The following RAP1GDS1 variants were observed in gnomAD, a reference collection of about 807,000 sequenced individuals.
RAP1GDS1 encodes the protein RAP1, GTP-GDP dissociation stimulator 1.
RAP1GDS1 carries 35 observed loss-of-function variants against 71.1 expected under a neutral mutation model. The observed-to-expected ratio is 0.49, with a 90% CI of 0.38 to 0.65. The LOEUF is 0.65. Ranked by LOEUF, RAP1GDS1 falls within the 30% of genes least tolerant of loss-of-function variation. RAP1GDS1 has a pLI of 0.00. For synonymous variants in RAP1GDS1, 229 were observed against 243.1 expected (o/e 0.94, Z 0.54); for missense variants, 663 against 706.1 (o/e 0.94, Z 0.69).
In RAP1GDS1 at chr4:98,442,979, A is replaced by C. The variant is rs556917811; in HGVS notation, c.*862A>C. 1.4e-5 allele frequency: 3 copies of C among 219,542 alleles called. No homozygotes were observed. The highest frequency in any genetic ancestry group is 7.1e-5 in the African/African-American group (3 of 42,026). The allele number at this position is 219,542 out of a possible 1,614,324, so 13.6% of individuals were successfully genotyped here. ...TTCATTTGGCGCTTGTTTGTTTTCAACTGAGGAAATTGAGTATAGTTCATT... is the reference window on the plus strand; with the variant it reads ...TTCATTTGGCGCTTGTTTGTTTTCACCTGAGGAAATTGAGTATAGTTCATT... On this transcript the variant is annotated 3_prime_UTR_variant, in exon 15 of 15. Coordinates refer to ENST00000408927, the MANE Select transcript of RAP1GDS1 (RefSeq NM_001100427.2).
intron 1 of RAP1GDS1, among the ~76,000 whole-genome samples, chr4:98,283,161 CTG>C (rs1376699679): frequency 6.6e-6 from 1 of 152,138 alleles, no homozygotes; most frequent in East Asian, 1.9e-4. Flanking sequence ...AAAGATGAAA[CTG>C]ATCATTACAA....
intron 4 of RAP1GDS1, among the ~76,000 whole-genome samples, chr4:98,364,337 C>G (rs945890540): frequency 9.2e-5 from 14 of 152,188 alleles, no homozygotes; most frequent in African/African-American, 3.4e-4. Flanking sequence ...TCAGCCACCC[C>G]TGCCAAATTT....
intron 4 of RAP1GDS1, among the ~76,000 whole-genome samples, chr4:98,355,811 T>C (rs1737883059): frequency 6.6e-6 from 1 of 152,138 alleles, no homozygotes; most frequent in Non-Finnish European, 1.5e-5. Context: ...TATATAATCC[T>C]GACATGAGGT....
chr4:98,414,563 C>G lies in RAP1GDS1; in HGVS notation c.764-2182C>G, dbSNP rs1212763351. Reference sequence around the variant, plus strand: ...TTATTTCTGAGGGCTCTGTTCTGTTCCAATGATCTATATCTCTGTTTTGGT... The same window carrying G: ...TTATTTCTGAGGGCTCTGTTCTGTTGCAATGATCTATATCTCTGTTTTGGT... On this transcript the variant is annotated intron_variant, in intron 7 of 14. Transcript: ENST00000408927. Among the ~76,000 whole-genome samples the G allele has an allele frequency of 7.3e-5, 11 of 150,882 alleles. No homozygotes were observed. The East Asian group carries it at 1.6e-3, about 21-fold the overall frequency.
At chr4:98,373,700 A>G (rs1204629915) in intron 4 of RAP1GDS1, among the ~76,000 whole-genome samples, 1 of 152,198 alleles carries the variant, frequency 6.6e-6, no homozygotes, top group South Asian at 2.1e-4. Flanking sequence ...TGTATATATC[A>G]TGTCTTTTTA....
At chr4:98,397,156 A>G (rs959753966) in intron 6 of RAP1GDS1, among the ~76,000 whole-genome samples, 1 of 152,170 alleles carries the variant, frequency 6.6e-6, no homozygotes, top group South Asian at 2.1e-4. Flanking sequence ...CTTTAACCCA[A>G]CACTCTTTAA....
chr4:98,268,525 G>T (rs929777729), intron 1 of RAP1GDS1, among the ~76,000 whole-genome samples: 3 of 152,110 alleles, frequency 2.0e-5, no homozygotes, highest in Admixed American at 2.0e-4. Flanking sequence ...AAAATGATCT[G>T]TTTAAAGATA....
At chr4:98,288,180 G>A (rs141171059) in intron 1 of RAP1GDS1, among the ~76,000 whole-genome samples, 1,765 of 151,802 alleles carry the variant, frequency 0.012, 18 homozygotes, top group Non-Finnish European at 0.019. Flanking sequence ...ATCCCTCCCC[G>A]CTACCCCCAT....
At chr4:98,396,562 T>G (rs531664868) in intron 6 of RAP1GDS1, 1 of 152,298 alleles carries the variant, frequency 6.6e-6, no homozygotes, top group African/African-American at 2.4e-5. Flanking sequence ...TCAGCCCAGG[T>G]TCATACTATA....
intron 6 of RAP1GDS1, among the ~76,000 whole-genome samples, chr4:98,399,481 A>G (rs1212867864): frequency 6.6e-6 from 1 of 152,066 alleles, no homozygotes; most frequent in African/African-American, 2.4e-5. Flanking sequence ...TTTTGTAGAG[A>G]CAGGGTTTTA....
chr4:98,433,996 A>C lies in RAP1GDS1; in HGVS notation c.1501A>C (p.Ser501Arg). 1 of 1,613,568 alleles carries C rather than the reference A, an allele frequency of 6.2e-7. No individual in the cohort carries two copies. The highest frequency in any genetic ancestry group is 8.5e-7 in the Non-Finnish European group (1 of 1,179,452). ...CAAGCATCTAGTTACCATGGCAACT[A>C]GTGAACATGTAATAATGCAGAATGA... ...GIKHLVTMAT[S>R]EHVIMQNEAL... The change falls in exon 13 of 15, where the codon AGT becomes CGT. Residue 501 changes from serine (S) to arginine (R), a missense_variant. Coordinates refer to ENST00000408927, the MANE Select transcript of RAP1GDS1 (RefSeq NM_001100427.2).
intron 4 of RAP1GDS1, among the ~76,000 whole-genome samples, chr4:98,374,911 T>TA (rs1417953818): frequency 6.6e-6 from 1 of 152,124 alleles, no homozygotes; most frequent in African/African-American, 2.4e-5. Context: ...CTATTACAGT[T>TA]AGCCTGTAGA....
chr4:98,409,000 A>T (rs1746588622), intron 7 of RAP1GDS1, among the ~76,000 whole-genome samples: 1 of 152,162 alleles, frequency 6.6e-6, no homozygotes, highest in African/African-American at 2.4e-5. Flanking sequence ...CTTCCATTTA[A>T]CATTGTATTG....
intron 5 of RAP1GDS1, among the ~76,000 whole-genome samples, chr4:98,382,138 C>G (rs1055269849): frequency 6.6e-6 from 1 of 151,540 alleles, no homozygotes; most frequent in Non-Finnish European, 1.5e-5. Flanking sequence ...AAGTTTTAAA[C>G]TAGCTCAAGA....
chr4:98,261,886 G>T (rs1044898425), intron 1 of RAP1GDS1, among the ~76,000 whole-genome samples: 5 of 152,166 alleles, frequency 3.3e-5, no homozygotes, highest in African/African-American at 1.2e-4. Flanking sequence ...TGCCTCGCGG[G>T]CTCGCATCTG....
chr4:98,336,041 A>C (rs1219978754), intron 2 of RAP1GDS1, among the ~76,000 whole-genome samples: 1 of 152,014 alleles, frequency 6.6e-6, no homozygotes, highest in Non-Finnish European at 1.5e-5. Context: ...CTTTATCTTT[A>C]TTTACTTCAT....
intron 2 of RAP1GDS1, among the ~76,000 whole-genome samples, chr4:98,311,542 G>A (rs1730223303): frequency 6.6e-6 from 1 of 152,158 alleles, no homozygotes; most frequent in South Asian, 2.1e-4. Flanking sequence ...TGACATTGGA[G>A]AGAGATCTTT....
chr4:98,378,940 CTGTTA>C, intron 4 of RAP1GDS1, 72 bp from the exon 5 acceptor site: 1 of 1,280,612 alleles, frequency 7.8e-7, no homozygotes, highest in Non-Finnish European at 1.1e-6. Context: ...AAGAATAACA[CTGTTA>C]TGTTTTGTAT....
chr4:98,397,918 C>T (rs1164006805), intron 6 of RAP1GDS1, among the ~76,000 whole-genome samples: 3 of 152,076 alleles, frequency 2.0e-5, no homozygotes, highest in African/African-American at 4.8e-5. Context: ...TCTCCCAGAA[C>T]GTAGACTTAA....
Sources: gnomAD v4.1 joint callset for allele counts (sites outside exome capture counted in the v4.1 genomes callset) on GRCh38, gnomAD v4.1.1 for gene constraint, MANE v1.5 for transcripts, NCBI Gene and HGNC (gene_info 2026-07-23, HGNC 2026-07-21) for gene names.